YBEY: variants seen among roughly 807,000 people sequenced by gnomAD.
The protein encoded by YBEY is endoribonuclease YbeY.
A neutral mutation model predicts 13.5 loss-of-function variants in YBEY; 15 were observed. The observed-to-expected ratio is 1.11, with a 90% confidence interval of 0.75 to 1.72. YBEY has a LOEUF of 1.72. Among genes scored for constraint, YBEY ranks in the 40% most tolerant of loss-of-function variants. The pLI, the probability that YBEY is intolerant of heterozygous loss-of-function variation, is 0.00. For synonymous variants in YBEY, 101 were observed against 83.1 expected, an observed-to-expected ratio of 1.21 and a Z score of -1.17; for missense variants, 244 against 208.4, an observed-to-expected ratio of 1.17 and a Z score of -1.05.
At chr21:46,302,151 G>A (rs1001910657), downstream of YBEY, 3 of 1,487,174 alleles carry the variant, frequency 2.0e-6, no homozygotes, top group Non-Finnish European at 2.7e-6. Context: ...ACATGTGGCG[G>A]GTCCTGCCAC....
At chr21:46,296,039 T>A in intron 3 of YBEY, 123 bp from the exon 4 acceptor site, 1 of 914,502 alleles carries the variant, frequency 1.1e-6, no homozygotes, top group Non-Finnish European at 1.7e-6. Context: ...TGCCCAGGGG[T>A]CTCACAGCAA....
Position 46,296,244 on chromosome 21 carries a change from C to G in YBEY, c.408+14C>G, listed in dbSNP as rs776178969. On this transcript the variant is annotated intron_variant, in intron 4 of 4. Transcript: ENST00000397701. ...GAGTGGCAGCAGGTAAGGAGCCCAT[C>G]CATCCCACTACCGAGGGGGTGCGTG... is the stretch of plus-strand genomic sequence containing the variant. 1 of 1,613,196 alleles carries G rather than the reference C, an allele frequency of 6.2e-7. No individual in the cohort carries two copies. Among genetic ancestry groups the G allele is most frequent in the South Asian group, 1.1e-5 (1 of 91,086 alleles).
At chr21:46,300,676 C>A, downstream of YBEY, 1 of 1,276,204 alleles carries the variant, frequency 7.8e-7, no homozygotes, top group Admixed American at 2.5e-5. Context: ...CCCTGGGGAG[C>A]TCTGCAGCTC....
At chr21:46,303,852 C>A in the YBEY span, among the ~76,000 whole-genome samples, 1 of 138,964 alleles carries the variant, frequency 7.2e-6, no homozygotes, top group Non-Finnish European at 1.5e-5. Context: ...CCTGGGTTCA[C>A]GCCATTCTCC....
chr21:46,288,290 G>A (rs190193365), intron 2 of YBEY, among the ~76,000 whole-genome samples: 20 of 152,346 alleles, frequency 1.3e-4, no homozygotes, highest in African/African-American at 4.8e-4. Context: ...CATTGTAGCA[G>A]CAGGAATTGG....
the YBEY span, among the ~76,000 whole-genome samples, chr21:46,312,603 A>G: frequency 6.6e-6 from 1 of 152,186 alleles, no homozygotes; most frequent in African/African-American, 2.4e-5. Flanking sequence ...GGGGAAATGC[A>G]GTAGCGGTTG....
downstream of YBEY, chr21:46,302,109 T>C (rs2082130288): frequency 1.3e-6 from 2 of 1,527,784 alleles, no homozygotes; most frequent in South Asian, 2.4e-5. Flanking sequence ...GCAGGCAGCC[T>C]TGGCCTGGCA....
At chr21:46,288,276 C>T (rs2081547967) in intron 2 of YBEY, among the ~76,000 whole-genome samples, 2 of 152,196 alleles carry the variant, frequency 1.3e-5, no homozygotes, top group Non-Finnish European at 2.9e-5. Context: ...TTCAAGGCTT[C>T]CCACATTGTA....
intron 2 of YBEY, among the ~76,000 whole-genome samples, chr21:46,287,902 C>T (rs2081526944): frequency 6.6e-6 from 1 of 151,890 alleles, no homozygotes; most frequent in African/African-American, 2.4e-5. Context: ...ATCCTAGCTA[C>T]CTGGGAGGCT....
chr21:46,301,148 T>C (rs1284434260), downstream of YBEY: 19 of 813,470 alleles, frequency 2.3e-5, no homozygotes, highest in African/African-American at 6.5e-5. Context: ...TTCACTTTTT[T>C]ATTTTATTTT....
chr21:46,304,500 A>C, the YBEY span, among the ~76,000 whole-genome samples: 13 of 151,726 alleles, frequency 8.6e-5, no homozygotes, highest in African/African-American at 3.1e-4. Context: ...AAAAAAAAAA[A>C]CCTCAAAAAA....
chr21:46,295,424 C>T (rs2145831456), intron 3 of YBEY, among the ~76,000 whole-genome samples: 1 of 152,180 alleles, frequency 6.6e-6, no homozygotes, highest in African/African-American at 2.4e-5. Context: ...CCCTATGGCC[C>T]ATGTGGCTCC....
intron 2 of YBEY, among the ~76,000 whole-genome samples, chr21:46,290,571 G>A (rs1438972639): frequency 2.0e-5 from 3 of 151,914 alleles, no homozygotes; most frequent in South Asian, 4.2e-4. Flanking sequence ...CAACCCACCC[G>A]CCACAGGCCC....
chr21:46,290,753 T>TA (rs775890148), intron 2 of YBEY, among the ~76,000 whole-genome samples: 20 of 146,596 alleles, frequency 1.4e-4, no homozygotes, highest in Non-Finnish European at 2.1e-4. Flanking sequence ...TACTAAAAAA[T>TA]ACAAAAATTA....
At chr21:46,296,586 G>C (rs935238555) in intron 4 of YBEY, among the ~76,000 whole-genome samples, 1 of 152,190 alleles carries the variant, frequency 6.6e-6, no homozygotes, top group African/African-American at 2.4e-5. Flanking sequence ...AGACCCATGC[G>C]CTCCGCCTAC....
At chr21:46,291,212 A>C (rs576359341) in intron 2 of YBEY, 122 bp from the exon 3 acceptor site, 26 of 1,177,362 alleles carry the variant, frequency 2.2e-5, no homozygotes, top group South Asian at 6.2e-5. Flanking sequence ...AAAAAAAAAA[A>C]AAAAGTGATT....
At position 46,297,632 on chromosome 21, in the gene YBEY, T is replaced by G; in HGVS notation, c.502T>G (p.Ter168GlyextTer6). The G allele has an allele frequency of 7.6e-7, 1 of 1,312,406 alleles. No individual in the cohort carries two copies. The highest frequency in any genetic ancestry group is 9.8e-7 in the Non-Finnish European group (1 of 1,018,072). The allele number at this position is 1,312,406 out of a possible 1,614,324, so 81.3% of individuals were successfully genotyped here. A position where few individuals can be genotyped will look rare whatever the true frequency, so the allele number is the denominator to read the frequency against. The stretch of plus-strand genomic sequence containing the variant: ...GACCCGGGGCCTCTTCGGAGGGAGC[T>G]GAGGGCCGCGTTCCTTCTGAAAGCG... Reference protein sequence around the residue: ...PLTRGLFGGS* With the variant: ...PLTRGLFGGSG The change falls in exon 5 of 5, where the codon TGA becomes GGA. Residue 168 changes from the stop codon to glycine, a stop_lost. Coordinates refer to ENST00000397701, the MANE Select transcript of YBEY (RefSeq NM_001314025.2).
chr21:46,308,550 C>T, the YBEY span, among the ~76,000 whole-genome samples: 1 of 152,168 alleles, frequency 6.6e-6, no homozygotes, highest in Non-Finnish European at 1.5e-5. Flanking sequence ...CACAGAAAGA[C>T]TGAGGCAGGA....
chr21:46,289,270 G>A (rs1288466349), intron 2 of YBEY, among the ~76,000 whole-genome samples: 1 of 152,068 alleles, frequency 6.6e-6, no homozygotes, highest in Non-Finnish European at 1.5e-5. Flanking sequence ...TGCATTGGGA[G>A]GGATGAAAGA....
Sources: allele counts gnomAD v4.1 joint callset (sites outside exome capture counted in the v4.1 genomes callset), GRCh38; gene constraint gnomAD v4.1.1; transcripts MANE v1.5; gene names NCBI Gene and HGNC (gene_info 2026-07-23, HGNC 2026-07-21).